PKD1L3: variants seen among roughly 807,000 people sequenced by gnomAD.
PKD1L3 encodes polycystin-1-like protein 3.
PKD1L3 carries 239 observed loss-of-function variants against 184.1 expected under a neutral mutation model. The ratio of observed to expected loss-of-function variants is 1.30; its 90% CI spans 1.17 to 1.45. The LOEUF (loss-of-function observed/expected upper bound fraction) is 1.45, where lower values mean the gene tolerates loss of function less well. Ranked by LOEUF, PKD1L3 falls within the 40% of genes most tolerant of loss-of-function variation. The probability of loss-of-function intolerance (pLI) is 0.00; values close to 1 mark genes in which losing one functional copy is unlikely to be tolerated. For synonymous variants in PKD1L3, 996 were observed against 778.8 expected (o/e 1.28, Z -4.64); for missense variants, 2,660 against 2,067.2 (o/e 1.29, Z -5.56).
chr16:71,952,191 T>G (rs2038860410), intron 18 of PKD1L3, among the ~76,000 whole-genome samples: 1 of 139,088 alleles, frequency 7.2e-6, no homozygotes. Flanking sequence ...AAAGGGAGCA[T>G]GTCATTTTTT....
chr16:71,932,186 G>A (rs534553528), intron 28 of PKD1L3, among the ~76,000 whole-genome samples: 1 of 152,280 alleles, frequency 6.6e-6, no homozygotes, highest in African/African-American at 2.4e-5. Flanking sequence ...TAGTAATTTT[G>A]GAATTCTAGA....
chr16:71,939,054 T>C (rs187671185), intron 24 of PKD1L3, among the ~76,000 whole-genome samples: 1 of 152,222 alleles, frequency 6.6e-6, no homozygotes, highest in Non-Finnish European at 1.5e-5. Flanking sequence ...GACACCCTCT[T>C]TGGGGCTCTG....
At chr16:71,940,526 G>A (rs943492160) in intron 24 of PKD1L3, among the ~76,000 whole-genome samples, 32 of 151,796 alleles carry the variant, frequency 2.1e-4, no homozygotes, top group African/African-American at 6.8e-4. Context: ...TTGAGATGGA[G>A]TCTCACTCTG....
Position 71,950,327 on chromosome 16 carries a change from A to C in PKD1L3, c.3191-17T>G. 6.6e-7 allele frequency: 1 copy of C among 1,503,938 alleles called. No homozygotes were observed. The highest frequency in any genetic ancestry group is 2.5e-5 in the East Asian group (1 of 40,222). 93.2% of individuals were successfully genotyped at this position (1,503,938 alleles called of 1,614,324 possible). On this transcript the variant is annotated splice_polypyrimidine_tract_variant and intron_variant, in intron 19 of 29. Coordinates refer to ENST00000620267, the MANE Select transcript of PKD1L3 (RefSeq NM_181536.2). ...CAGGAACAACTGAAAATATATTTCA[A>C]GTTGACACTTTCACAAGTGGATTTC... is the stretch of plus-strand genomic sequence containing the variant.
rs866234400 is a variant in PKD1L3 at position 71,937,566 on chromosome 16, T to G, written c.4325-147A>C. On this transcript the variant is annotated intron_variant, in intron 24 of 29. Coordinates refer to ENST00000620267, the MANE Select transcript of PKD1L3 (RefSeq NM_181536.2). ...CTCCACTTAGTATTTCCTTTAGAGC[T>G]GTCATGAACATTAAAGGAGATCATG... is the stretch of plus-strand genomic sequence containing the variant. 7.4e-5 allele frequency: 66 copies of G among 895,252 alleles called. 1 individual carries two copies. The South Asian group carries it at 1.2e-3, about 16-fold the overall frequency. 55.5% of individuals were successfully genotyped at this position (895,252 alleles called of 1,614,324 possible).
chr16:71,944,123 C>G lies in PKD1L3; in HGVS notation c.3766G>C (p.Val1256Leu). The change falls in exon 23 of 30, where the codon GTC becomes CTC. Residue 1256 changes from valine (V) to leucine (L), a missense_variant. By Grantham distance (32) the Val-to-Leu change is conservative. Transcript: ENST00000620267. ...CTATTTATAGCTGGGGCTACATAGA[C>G]GGGGTTGTTCTTATCTCTTGAACCT... The part of the protein sequence containing the change: ...VPGSRDKNNP[V>L]YVAPAINSPT... The G allele has an allele frequency of 6.4e-7, 1 of 1,551,372 alleles. No individual in the cohort carries two copies. Among genetic ancestry groups the G allele is most frequent in the South Asian group, 1.2e-5 (1 of 84,040 alleles).
At chr16:71,979,469 G>GACAAA (rs1555524084) in intron 9 of PKD1L3, among the ~76,000 whole-genome samples, 24 of 121,240 alleles carry the variant, frequency 2.0e-4, no homozygotes, top group Admixed American at 5.0e-4. Context: ...AACAAAACAA[G>GACAAA]ACAAAACAAA....
intron 5 of PKD1L3, 90 bp from the exon 6 acceptor site, chr16:71,984,257 T>C (rs2143778794): frequency 7.3e-7 from 1 of 1,368,090 alleles, no homozygotes; most frequent in East Asian, 2.6e-5. Flanking sequence ...AAGTTGACCT[T>C]GGGTAACTTT....
Position 71,967,280 on chromosome 16 carries a change from A to T in PKD1L3, c.2322T>A (p.Ser774Arg). 1.3e-6 allele frequency: 2 copies of T among 1,551,592 alleles called. No individual in the cohort carries two copies. The highest frequency in any genetic ancestry group is 1.7e-6 in the Non-Finnish European group (2 of 1,146,916). Reference sequence around the variant, plus strand: ...GGGGGTCACAGAGGTGATGGGGCTCACTCCGTCCCTCTGATCCATAGAGGG... The same window carrying T: ...GGGGGTCACAGAGGTGATGGGGCTCTCTCCGTCCCTCTGATCCATAGAGGG... Reference protein sequence around the residue: ...VITLYGSEGRSEPHHLCDPQK... With the variant: ...VITLYGSEGRREPHHLCDPQK... The change falls in exon 15 of 30, where the codon AGT (serine) becomes AGA (arginine). Residue 774 changes from serine to arginine, a missense_variant. Transcript: ENST00000620267.
rs535849957 is a variant in PKD1L3, at chr16:71,987,207, G to C, written c.586-738C>G. 3.2e-4 allele frequency among the ~76,000 whole-genome samples: 48 copies of C among 151,816 alleles called. No homozygotes were observed. The East Asian group carries it at 9.3e-3, about 29-fold the overall frequency. On this transcript the variant is annotated intron_variant, in intron 4 of 29. Transcript: ENST00000620267. ...CAAAGTGCTAGGATTACAGGCGTGA[G>C]CCACTGCACCCGGCTGAGGAGAGGA... is the stretch of plus-strand genomic sequence containing the variant.
rs762425760 is a variant in PKD1L3 at position 71,942,982 on chromosome 16, G to A, written c.3902C>T (p.Ser1301Phe). ...FLTLLMTAIYSAKNSNRFYLH... is the reference protein window; with the variant it reads ...FLTLLMTAIYFAKNSNRFYLH... The stretch of plus-strand genomic sequence containing the variant: ...GTAAAATCTATTGGAGTTCTTTGCA[G>A]AGTAGATTGCAGTCATCAACAGGGT... The change falls in exon 24 of 30, where the codon TCT becomes TTT. Residue 1301 changes from serine to phenylalanine, a missense_variant. Coordinates refer to ENST00000620267, the MANE Select transcript of PKD1L3 (RefSeq NM_181536.2). 1.9e-5 allele frequency: 29 copies of A among 1,551,380 alleles called. No individual in the cohort carries two copies. The highest frequency in any genetic ancestry group is 7.0e-6 in the Non-Finnish European group (8 of 1,146,904).
At chr16:71,930,704 A>G (rs1396987414) in intron 28 of PKD1L3, 1 of 152,040 alleles carries the variant, frequency 6.6e-6, no homozygotes, top group African/African-American at 2.4e-5. Flanking sequence ...GAGTTCTGCC[A>G]TTCTTTACTT....
intron 18 of PKD1L3, among the ~76,000 whole-genome samples, chr16:71,952,195 ATTTTTTTTTTTTT>A (rs34849069): frequency 9.8e-5 from 5 of 50,824 alleles, no homozygotes; most frequent in East Asian, 7.4e-4. Flanking sequence ...GGAGCATGTC[ATTTTTTTTTTTTT>A]TTTTTTTTTT....
Position 71,944,131 on chromosome 16 carries a change from T to A in PKD1L3, c.3758A>T (p.Asn1253Ile). ...SSSVPGSRDK[N>I]NPVYVAPAIN... ...AGCTGGGGCTACATAGACGGGGTTG[T>A]TCTTATCTCTTGAACCTGGTACTGA... is the stretch of plus-strand genomic sequence containing the variant. The change falls in exon 23 of 30, where the codon AAC becomes ATC. Residue 1253 changes from asparagine (N) to isoleucine (I), a missense_variant. Asn to Ile is a moderately radical substitution (Grantham distance 149). Transcript: ENST00000620267. 6.4e-7 allele frequency: 1 copy of A among 1,551,394 alleles called. No individual in the cohort carries two copies. The highest frequency in any genetic ancestry group is 8.7e-7 in the Non-Finnish European group (1 of 1,146,626).
intron 15 of PKD1L3, among the ~76,000 whole-genome samples, chr16:71,966,414 A>T (rs1459827687): frequency 6.6e-6 from 1 of 150,634 alleles, no homozygotes; most frequent in Non-Finnish European, 1.5e-5. Context: ...TCCTTCCTTA[A>T]GATCTTGACT....
intron 24 of PKD1L3, 28 bp from the exon 25 acceptor site, chr16:71,937,447 C>A: frequency 6.5e-7 from 1 of 1,544,998 alleles, no homozygotes; most frequent in South Asian, 1.2e-5. Flanking sequence ...CACCTGGAGT[C>A]AAGAGTCTAA....
In PKD1L3 at chr16:71,980,057, G is replaced by A. The variant is rs771209951; in HGVS notation, c.1221C>T (p.Pro407=). 3.5e-5 allele frequency: 54 copies of A among 1,551,742 alleles called. No individual in the cohort carries two copies. Among genetic ancestry groups the A allele is most frequent in the Non-Finnish European group, 4.4e-5 (50 of 1,147,042 alleles). The change falls in exon 8 of 30, where the codon CCC becomes CCT. Residue 407 remains proline (P), a synonymous_variant. Transcript: ENST00000620267. ...CAGAGGTCAAAGTCACTGAAGACTCGGGAGACTGGTTCTGCTCTAGAAATG... is the reference window on the plus strand; with the variant it reads ...CAGAGGTCAAAGTCACTGAAGACTCAGGAGACTGGTTCTGCTCTAGAAATG... ...GEAFLEQNQS[P]ESSVTLTSAN...
Position 71,940,335 on chromosome 16 carries a change from G to A in PKD1L3, c.4324+2225C>T, listed in dbSNP as rs1357225763. Among the ~76,000 whole-genome samples, 4 of 152,054 alleles carry A rather than the reference G, an allele frequency of 2.6e-5. No homozygotes were observed. In the East Asian group the frequency reaches 7.7e-4, roughly 29 times the overall value. On this transcript the variant is annotated intron_variant, in intron 24 of 29. Transcript: ENST00000620267. ...AGGGAAAGTTTACGTGCTGCATGGT[G>A]AGACACTTCCCAGATCCCTTCCCTC... is the stretch of plus-strand genomic sequence containing the variant.
chr16:71,943,343 C>G (rs1209873731), intron 23 of PKD1L3, among the ~76,000 whole-genome samples: 1 of 151,884 alleles, frequency 6.6e-6, no homozygotes, highest in Non-Finnish European at 1.5e-5. Context: ...TCGAGACCAG[C>G]CTGACCAACA....
Sources: gnomAD v4.1 joint callset for allele counts (sites outside exome capture counted in the v4.1 genomes callset) on GRCh38, gnomAD v4.1.1 for gene constraint, MANE v1.5 for transcripts, NCBI Gene and HGNC (gene_info 2026-07-23, HGNC 2026-07-21) for gene names.